The following MEAK7 variants were observed in gnomAD, a reference collection of about 807,000 sequenced individuals.
MEAK7 encodes the protein MTOR associated protein MEAK7.
A neutral mutation model predicts 40.5 loss-of-function variants in MEAK7; 68 were observed. The observed-to-expected ratio is 1.68, with a 90% CI of 1.38 to 2.06. The LOEUF is 2.06. Ranked by LOEUF, MEAK7 falls within the 30% of genes most tolerant of loss-of-function variation. The pLI is 0.00. For synonymous variants in MEAK7, 338 were observed against 231.9 expected (o/e 1.46, Z -4.16); for missense variants, 918 against 580.5 (o/e 1.58, Z -5.98).
rs1019315429 is a variant in MEAK7 at position 84,477,956 on chromosome 16, A to G, written c.*1957T>C. On this transcript the variant is annotated 3_prime_UTR_variant, in exon 8 of 8. Coordinates refer to ENST00000343629, the MANE Select transcript of MEAK7 (RefSeq NM_020947.4). ...TCCTTAGAACAAGCTCAGGGTGGAA[A>G]GCATGTGAGTGGACAAAGTCCTAAC... 6.6e-6 allele frequency: 1 copy of G among 152,226 alleles called. No homozygotes were observed. The highest frequency in any genetic ancestry group is 1.5e-5 in the Non-Finnish European group (1 of 68,050). The allele number at this position is 152,226 out of a possible 1,614,324, so 9.4% of individuals were successfully genotyped here.
At chr16:84,495,349 G>C (rs563074949) in intron 3 of MEAK7, among the ~76,000 whole-genome samples, 4 of 152,190 alleles carry the variant, frequency 2.6e-5, no homozygotes, top group Non-Finnish European at 4.4e-5. Flanking sequence ...GATTTACTGA[G>C]TGCAAGACAA....
intron 3 of MEAK7, among the ~76,000 whole-genome samples, chr16:84,492,970 G>T (rs965592227): frequency 6.6e-6 from 1 of 152,144 alleles, no homozygotes; most frequent in South Asian, 2.1e-4. Context: ...TTATTGTTTT[G>T]ATATTAGGTC....
chr16:84,496,026 G>T (rs1012935315), intron 2 of MEAK7, 113 bp from the exon 3 acceptor site: 2 of 1,114,592 alleles, frequency 1.8e-6, no homozygotes, highest in African/African-American at 1.6e-5. Context: ...GGAAGTTTTC[G>T]TTTTTTAAAG....
In MEAK7 at chr16:84,480,399, T is replaced by A. The variant is rs555675027; in HGVS notation, c.1257+130A>T. On this transcript the variant is annotated intron_variant, in intron 7 of 7. Transcript: ENST00000343629. ...GCATCTCCTGGCATCCAAGCCAGCA[T>A]CAGCTACCAGGATCAAATTTGGGAT... The A allele has an allele frequency of 2.3e-5, 26 of 1,135,300 alleles. 2 individuals are homozygous for A. The South Asian group carries it at 3.1e-4, about 14-fold the overall frequency. The allele number at this position is 1,135,300 out of a possible 1,614,324, so 70.3% of individuals were successfully genotyped here.
intron 1 of MEAK7, among the ~76,000 whole-genome samples, 169 bp from the exon 2 acceptor site, chr16:84,498,280 T>C (rs907914830): frequency 6.6e-6 from 1 of 152,214 alleles, no homozygotes; most frequent in African/African-American, 2.4e-5. Context: ...TTTTGTTTTG[T>C]GTTGCTGAGG....
chr16:84,501,366 G>T (rs926740370), intron 1 of MEAK7, among the ~76,000 whole-genome samples: 1 of 152,026 alleles, frequency 6.6e-6, no homozygotes, highest in Admixed American at 6.5e-5. Flanking sequence ...GCAGAAGGGG[G>T]CCCAGGCCTG....
chr16:84,487,769 C>A (rs1567494283), intron 4 of MEAK7: 1 of 152,262 alleles, frequency 6.6e-6, no homozygotes, highest in Admixed American at 6.5e-5. Flanking sequence ...GGGACTCGAA[C>A]AGCTGGCTTC....
At chr16:84,498,540 G>A (rs1014948241) in intron 1 of MEAK7, among the ~76,000 whole-genome samples, 9 of 151,960 alleles carry the variant, frequency 5.9e-5, no homozygotes, top group African/African-American at 1.7e-4. Flanking sequence ...CTCCCAAAGT[G>A]TTGGGATTAG....
At chr16:84,488,937 G>A (rs1472809566) in intron 4 of MEAK7, among the ~76,000 whole-genome samples, 2 of 151,862 alleles carry the variant, frequency 1.3e-5, no homozygotes, top group Non-Finnish European at 2.9e-5. Flanking sequence ...AAAGCTAGAG[G>A]AAAATAAATA....
At chr16:84,504,079 T>G in intron 1 of MEAK7, 2 of 985,548 alleles carry the variant, frequency 2.0e-6, no homozygotes, top group Non-Finnish European at 2.4e-6. Context: ...GAAGTTCCTG[T>G]GGGCCAGAAG....
At chr16:84,481,877 T>C (rs1013572406) in intron 6 of MEAK7, among the ~76,000 whole-genome samples, 1 of 151,774 alleles carries the variant, frequency 6.6e-6, no homozygotes, top group Non-Finnish European at 1.5e-5. Flanking sequence ...GAGCTTGCAG[T>C]GAGCCGAGAT....
intron 1 of MEAK7, among the ~76,000 whole-genome samples, chr16:84,501,173 G>T (rs1271088451): frequency 1.3e-5 from 2 of 151,224 alleles, no homozygotes; most frequent in Non-Finnish European, 2.9e-5. Context: ...GCCTGGGGGT[G>T]TAACAAGAAG....
intron 2 of MEAK7, 117 bp from the exon 3 acceptor site, chr16:84,496,030 T>C (rs1393297774): frequency 9.3e-7 from 1 of 1,078,844 alleles, no homozygotes; most frequent in Non-Finnish European, 1.3e-6. Context: ...GTTTTCGTTT[T>C]TTAAAGCATC....
intron 3 of MEAK7, among the ~76,000 whole-genome samples, chr16:84,490,112 G>A (rs781001812): frequency 2.0e-5 from 3 of 152,154 alleles, no homozygotes; most frequent in Non-Finnish European, 4.4e-5. Context: ...CTGTGTGAGC[G>A]TGTGTTTGTT....
In MEAK7 at chr16:84,477,572, G is replaced by C. The variant is rs892449688; in HGVS notation, c.*2341C>G. On this transcript the variant is annotated 3_prime_UTR_variant, in exon 8 of 8. Coordinates refer to ENST00000343629, the MANE Select transcript of MEAK7 (RefSeq NM_020947.4). ...GCAATCATTTATAATAGTTTGCAAC[G>C]CGGACAAATTTTTTTTTTAACCCCT... 1 of 131,090 alleles carries C rather than the reference G, an allele frequency of 7.6e-6. No individual in the cohort carries two copies. Among genetic ancestry groups the C allele is most frequent in the African/African-American group, 3.0e-5 (1 of 33,734 alleles). The allele number at this position is 131,090 out of a possible 1,614,324, so 8.1% of individuals were successfully genotyped here.
intron 1 of MEAK7, among the ~76,000 whole-genome samples, chr16:84,500,904 C>A (rs968861092): frequency 3.9e-5 from 6 of 152,098 alleles, no homozygotes; most frequent in African/African-American, 1.4e-4. Flanking sequence ...ACTAGGTTGG[C>A]CAACGACATG....
chr16:84,501,019 C>T (rs749066555), intron 1 of MEAK7, among the ~76,000 whole-genome samples: 6 of 145,928 alleles, frequency 4.1e-5, no homozygotes, highest in Admixed American at 7.1e-5. Context: ...TGGTTGAACA[C>T]GGACAGCGGA....
chr16:84,492,429 A>C (rs992520714), intron 3 of MEAK7, among the ~76,000 whole-genome samples: 6 of 152,086 alleles, frequency 3.9e-5, no homozygotes, highest in Non-Finnish European at 8.8e-5. Flanking sequence ...ATTAGGGCTT[A>C]TTGTTTGGGA....
intron 2 of MEAK7, 150 bp from the exon 3 acceptor site, chr16:84,496,063 C>T: frequency 1.3e-6 from 1 of 778,904 alleles, no homozygotes; most frequent in South Asian, 1.8e-5. Context: ...TCTTGTAAAG[C>T]CCCGTCTCTT....
Sources: allele counts gnomAD v4.1 joint callset (sites outside exome capture counted in the v4.1 genomes callset), GRCh38; gene constraint gnomAD v4.1.1; transcripts MANE v1.5; gene names NCBI Gene and HGNC (gene_info 2026-07-23, HGNC 2026-07-21).